Variants in PTPRT observed in about 807,000 individuals in gnomAD.
PTPRT encodes the protein protein tyrosine phosphatase receptor type T, also known as receptor-type tyrosine-protein phosphatase T.
In PTPRT, 56 loss-of-function variants were observed where a neutral mutation model predicts 176.8. The ratio of observed to expected loss-of-function variants is 0.32; its 90% confidence interval spans 0.26 to 0.40. PTPRT has a LOEUF of 0.40. PTPRT is among the 10% of genes least tolerant of loss of function. The probability of loss-of-function intolerance (pLI) is 1.00; values close to 1 mark genes in which losing one functional copy is unlikely to be tolerated. For synonymous variants in PTPRT, 783 were observed against 739.0 expected, an observed-to-expected ratio of 1.06 and a Z score of -0.96; for missense variants, 1,540 against 1,908.2, an observed-to-expected ratio of 0.81 and a Z score of 3.60.
intron 7 of PTPRT, among the ~76,000 whole-genome samples, chr20:42,494,485 C>G (rs761359966): frequency 2.6e-5 from 4 of 152,054 alleles, no homozygotes; most frequent in Non-Finnish European, 4.4e-5. Flanking sequence ...ATATCAATGA[C>G]TAACTCTCAG....
chr20:42,170,492 A>G (rs1271772162), intron 16 of PTPRT, among the ~76,000 whole-genome samples: 1 of 152,230 alleles, frequency 6.6e-6, no homozygotes, highest in Non-Finnish European at 1.5e-5. Flanking sequence ...GCTAGAAAAA[A>G]TATTTACTGG....
At chr20:42,692,478 C>G (rs2075807599) in intron 6 of PTPRT, among the ~76,000 whole-genome samples, 1 of 152,142 alleles carries the variant, frequency 6.6e-6, no homozygotes, top group African/African-American at 2.4e-5. Context: ...TGAGGAAGCA[C>G]TTGATGGAAA....
At chr20:42,194,009 G>T (rs549228916) in intron 16 of PTPRT, among the ~76,000 whole-genome samples, 4 of 152,128 alleles carry the variant, frequency 2.6e-5, no homozygotes, top group Admixed American at 6.5e-5. Context: ...GGCCATGAAA[G>T]CTCTCTGAAC....
intron 16 of PTPRT, among the ~76,000 whole-genome samples, chr20:42,193,967 T>C (rs1568660180): frequency 6.6e-6 from 1 of 152,184 alleles, no homozygotes; most frequent in Non-Finnish European, 1.5e-5. Flanking sequence ...AGATGTATTC[T>C]CATTACGACT....
intron 1 of PTPRT, among the ~76,000 whole-genome samples, chr20:43,167,314 G>A (rs2014882495): frequency 6.6e-6 from 1 of 152,170 alleles, no homozygotes; most frequent in Admixed American, 6.5e-5. Flanking sequence ...AGGTAAATAA[G>A]TAACCAGATC....
intron 16 of PTPRT, among the ~76,000 whole-genome samples, chr20:42,180,308 G>C (rs1210982177): frequency 6.6e-6 from 1 of 151,622 alleles, no homozygotes; most frequent in Non-Finnish European, 1.5e-5. Flanking sequence ...CTTGCCTTGG[G>C]AGCCTCTAAT....
intron 12 of PTPRT, among the ~76,000 whole-genome samples, chr20:42,302,482 T>C (rs2057484596): frequency 6.6e-6 from 1 of 152,176 alleles, no homozygotes; most frequent in African/African-American, 2.4e-5. Context: ...CTGGAAAATA[T>C]CCACTTACCT....
the PTPRT span, among the ~76,000 whole-genome samples, chr20:42,051,143 T>C: frequency 6.6e-6 from 1 of 152,166 alleles, no homozygotes; most frequent in Non-Finnish European, 1.5e-5. Context: ...GGCCCACGGT[T>C]TGGGTCTTTG....
intron 12 of PTPRT, among the ~76,000 whole-genome samples, chr20:42,297,396 C>T (rs766332504): frequency 6.6e-5 from 10 of 152,080 alleles, no homozygotes; most frequent in South Asian, 2.1e-4. Flanking sequence ...AATGTAGACT[C>T]GAACAAATAG....
intron 1 of PTPRT, among the ~76,000 whole-genome samples, chr20:43,047,536 C>G (rs547531749): frequency 1.3e-5 from 2 of 152,240 alleles, no homozygotes; most frequent in East Asian, 3.9e-4. Flanking sequence ...AGAAAAGAGA[C>G]ATGAGAAAAT....
intron 12 of PTPRT, among the ~76,000 whole-genome samples, chr20:42,287,282 A>C (rs1379685259): frequency 6.6e-6 from 1 of 151,934 alleles, no homozygotes; most frequent in Non-Finnish European, 1.5e-5. Flanking sequence ...AGACATCTGC[A>C]TCATGCTTAT....
At chr20:42,560,722 G>A (rs1044598110) in intron 7 of PTPRT, among the ~76,000 whole-genome samples, 1 of 152,160 alleles carries the variant, frequency 6.6e-6, no homozygotes, top group African/African-American at 2.4e-5. Context: ...TGGAGGTGCT[G>A]TGTCCTTTAG....
At chr20:42,123,358 C>T (rs935947455) in intron 19 of PTPRT, among the ~76,000 whole-genome samples, 1 of 152,208 alleles carries the variant, frequency 6.6e-6, no homozygotes, top group Admixed American at 6.5e-5. Flanking sequence ...TAAGCACCTA[C>T]TACTATGTAC....
intron 8 of PTPRT, among the ~76,000 whole-genome samples, chr20:42,466,280 GAC>G: frequency 6.6e-6 from 1 of 152,234 alleles, no homozygotes; most frequent in South Asian, 2.1e-4. Context: ...CCAGTAATGA[GAC>G]ACAGTTTTTA....
intron 2 of PTPRT, among the ~76,000 whole-genome samples, chr20:42,798,700 C>T (rs1309806472): frequency 6.6e-6 from 1 of 152,136 alleles, no homozygotes; most frequent in Non-Finnish European, 1.5e-5. Flanking sequence ...CATTTTGTCA[C>T]TTTGCGTGAA....
intron 7 of PTPRT, among the ~76,000 whole-genome samples, chr20:42,655,469 T>A (rs1399070946): frequency 2.0e-5 from 3 of 152,130 alleles, no homozygotes; most frequent in Admixed American, 2.0e-4. Context: ...CCAGCCTGGG[T>A]GACAGAGCAA....
intron 7 of PTPRT, among the ~76,000 whole-genome samples, chr20:42,577,445 A>C (rs1181640438): frequency 6.6e-6 from 1 of 152,198 alleles, no homozygotes; most frequent in Admixed American, 6.5e-5. Context: ...ACGGAGACCC[A>C]GGCATGCAGG....
At chr20:42,172,428 G>T (rs1159322720) in intron 16 of PTPRT, among the ~76,000 whole-genome samples, 1 of 152,212 alleles carries the variant, frequency 6.6e-6, no homozygotes, top group Non-Finnish European at 1.5e-5. Flanking sequence ...ACTGGAGAAT[G>T]ATTAATGACC....
At chr20:42,556,278 C>T (rs1306041441) in intron 7 of PTPRT, among the ~76,000 whole-genome samples, 1 of 152,164 alleles carries the variant, frequency 6.6e-6, no homozygotes, top group Non-Finnish European at 1.5e-5. Context: ...AGAAGTGTGA[C>T]TGAGTCTGCA....
Sources: allele counts gnomAD v4.1 joint callset (sites outside exome capture counted in the v4.1 genomes callset), GRCh38; gene constraint gnomAD v4.1.1; transcripts MANE v1.5; gene names NCBI Gene and HGNC (gene_info 2026-07-23, HGNC 2026-07-21).